ADAM32: variants seen among roughly 807,000 people sequenced by gnomAD.
ADAM32 encodes the protein ADAM metallopeptidase domain 32.
A neutral mutation model predicts 114.9 loss-of-function variants in ADAM32; 89 were observed. The observed-to-expected ratio is 0.77, with a 90% CI of 0.65 to 0.92. ADAM32 has a LOEUF of 0.92. ADAM32 is among the 40% of genes least tolerant of loss of function. The pLI is 0.00. For missense variants in ADAM32, 870 were observed against 932.8 expected, an observed-to-expected ratio of 0.93 and a Z score of 0.88; for synonymous variants, 285 against 307.5, an observed-to-expected ratio of 0.93 and a Z score of 0.77.
At chr8:39,271,583 A>G (rs1812734954) in intron 20 of ADAM32, among the ~76,000 whole-genome samples, 1 of 152,164 alleles carries the variant, frequency 6.6e-6, no homozygotes, top group South Asian at 2.1e-4. Flanking sequence ...GTTAAAAAAC[A>G]AATATAATCC....
At chr8:39,240,158 G>A (rs1295086322) in intron 16 of ADAM32, among the ~76,000 whole-genome samples, 1 of 152,150 alleles carries the variant, frequency 6.6e-6, no homozygotes, top group East Asian at 1.9e-4. Context: ...CATATTCCAA[G>A]ACTGATCATA....
Position 39,284,909 on chromosome 8 carries a change from C to A in ADAM32, c.*110C>A. 7.1e-7 allele frequency: 1 copy of A among 1,403,340 alleles called. No homozygotes were observed. The highest frequency in any genetic ancestry group is 1.0e-6 in the Non-Finnish European group (1 of 1,003,652). 86.9% of individuals were successfully genotyped at this position (1,403,340 alleles called of 1,614,324 possible). The stretch of plus-strand genomic sequence containing the variant: ...AAGAAACAATAAATTGAGTGTGGAT[C>A]AATTTGCATGCCAGCGTGTTCGTTT... On this transcript the variant is annotated 3_prime_UTR_variant, in exon 25 of 25. Transcript: ENST00000379907.
chr8:39,130,207 C>T (rs1588484301), intron 2 of ADAM32: 1 of 154,086 alleles, frequency 6.5e-6, no homozygotes, highest in African/African-American at 2.4e-5. Flanking sequence ...TGCCTGCCTA[C>T]ATTTTCTTAT....
intron 6 of ADAM32, among the ~76,000 whole-genome samples, chr8:39,160,152 G>A (rs958823405): frequency 6.6e-6 from 1 of 152,076 alleles, no homozygotes; most frequent in Non-Finnish European, 1.5e-5. Context: ...TGCCTTTATT[G>A]GCTCAAACAA....
intron 17 of ADAM32, among the ~76,000 whole-genome samples, chr8:39,247,160 C>A (rs1810983101): frequency 6.6e-6 from 1 of 152,180 alleles, no homozygotes; most frequent in Non-Finnish European, 1.5e-5. Flanking sequence ...TTTCTATAAA[C>A]ATCCTTCTGC....
intron 9 of ADAM32, chr8:39,166,846 T>C (rs1192667713): frequency 6.6e-6 from 1 of 152,196 alleles, no homozygotes; most frequent in Non-Finnish European, 1.5e-5. Context: ...TTTTGAGAAT[T>C]GTCTATTCAT....
chr8:39,262,140 CTA>C (rs1300967920), intron 19 of ADAM32, among the ~76,000 whole-genome samples: 2 of 150,058 alleles, frequency 1.3e-5, no homozygotes. Flanking sequence ...ATCATTTCTC[CTA>C]TGTTTTCTTC....
At chr8:39,139,658 G>T (rs2129445126) in intron 3 of ADAM32, among the ~76,000 whole-genome samples, 1 of 152,268 alleles carries the variant, frequency 6.6e-6, no homozygotes, top group Middle Eastern at 3.4e-3. Flanking sequence ...GGCAATGCGG[G>T]CTCTTTTTTG....
intron 5 of ADAM32, among the ~76,000 whole-genome samples, chr8:39,150,551 C>T (rs932808069): frequency 1.3e-5 from 2 of 152,098 alleles, no homozygotes; most frequent in Non-Finnish European, 2.9e-5. Context: ...TTATCTTGAG[C>T]TCTTCAAGAA....
At chr8:39,123,861 G>C (rs1320322228) in intron 2 of ADAM32, among the ~76,000 whole-genome samples, 1 of 151,670 alleles carries the variant, frequency 6.6e-6, no homozygotes, top group East Asian at 1.9e-4. Flanking sequence ...CACACGCCAT[G>C]ACACCCAGCT....
chr8:39,180,039 C>T (rs1437219703), intron 10 of ADAM32, among the ~76,000 whole-genome samples: 8 of 152,194 alleles, frequency 5.3e-5, no homozygotes, highest in Admixed American at 6.5e-5. Context: ...TTTGGCCCAC[C>T]GCTGCACTGT....
chr8:39,226,240 G>A (rs1470561263), intron 14 of ADAM32, among the ~76,000 whole-genome samples: 1 of 152,026 alleles, frequency 6.6e-6, no homozygotes, highest in Non-Finnish European at 1.5e-5. Flanking sequence ...AACACTATGG[G>A]ATTTTGAAAC....
chr8:39,243,002 C>T (rs1810663526), intron 16 of ADAM32, among the ~76,000 whole-genome samples: 1 of 152,054 alleles, frequency 6.6e-6, no homozygotes, highest in Non-Finnish European at 1.5e-5. Flanking sequence ...CTACTATGAA[C>T]ACCTTTATGA....
intron 16 of ADAM32, among the ~76,000 whole-genome samples, chr8:39,235,276 A>G (rs1412017269): frequency 6.6e-6 from 1 of 152,172 alleles, no homozygotes; most frequent in Non-Finnish European, 1.5e-5. Context: ...TACTTGATAG[A>G]TGATCTTTAA....
intron 3 of ADAM32, among the ~76,000 whole-genome samples, chr8:39,145,152 A>G (rs1377323128): frequency 1.3e-5 from 2 of 152,196 alleles, no homozygotes; most frequent in African/African-American, 2.4e-5. Context: ...AACATGATGA[A>G]AGGAATTGAG....
At chr8:39,173,977 G>C (rs990727714) in intron 10 of ADAM32, among the ~76,000 whole-genome samples, 1 of 152,072 alleles carries the variant, frequency 6.6e-6, no homozygotes, top group Non-Finnish European at 1.5e-5. Flanking sequence ...GACGTGCACT[G>C]CCACACTTGG....
chr8:39,264,681 A>G (rs1002211398), intron 19 of ADAM32, among the ~76,000 whole-genome samples: 1 of 152,152 alleles, frequency 6.6e-6, no homozygotes, highest in Non-Finnish European at 1.5e-5. Context: ...TGATGTATGC[A>G]TTTAGCACTA....
At chr8:39,184,491 A>G (rs1806097816) in intron 10 of ADAM32, among the ~76,000 whole-genome samples, 1 of 152,206 alleles carries the variant, frequency 6.6e-6, no homozygotes, top group South Asian at 2.1e-4. Context: ...TGACCTCCAT[A>G]AGCCTGCACT....
chr8:39,241,216 C>T (rs1455268264), intron 16 of ADAM32, among the ~76,000 whole-genome samples: 2 of 152,244 alleles, frequency 1.3e-5, no homozygotes, highest in Non-Finnish European at 2.9e-5. Flanking sequence ...TTGAGCAGCT[C>T]TGCACCTGTG....
Sources: allele counts gnomAD v4.1 joint callset (sites outside exome capture counted in the v4.1 genomes callset), GRCh38; gene constraint gnomAD v4.1.1; transcripts MANE v1.5; gene names NCBI Gene and HGNC (gene_info 2026-07-23, HGNC 2026-07-21).